The following SLC27A6 variants were observed in gnomAD, a reference collection of about 807,000 sequenced individuals.
SLC27A6 encodes the protein solute carrier family 27 member 6, also known as long-chain fatty acid transport protein 6.
Under a neutral mutation model 63.9 loss-of-function variants are expected in SLC27A6, and 74 were observed. The ratio of observed to expected loss-of-function variants is 1.16; its 90% CI spans 0.96 to 1.40. The LOEUF (loss-of-function observed/expected upper bound fraction) is 1.40. SLC27A6 is among the 40% of genes most tolerant of loss of function. The pLI is 0.00. For missense variants in SLC27A6, 794 were observed against 732.9 expected (o/e 1.08, Z -0.96); for synonymous variants, 287 against 260.8 (o/e 1.10, Z -0.97).
At chr5:129,001,045 G>T (rs1209984710) in intron 4 of SLC27A6, among the ~76,000 whole-genome samples, 1 of 152,148 alleles carries the variant, frequency 6.6e-6, no homozygotes, top group East Asian at 1.9e-4. Context: ...ACTATCTTTT[G>T]TGCCTTAAAA....
At chr5:128,989,405 A>G (rs1750898641) in intron 3 of SLC27A6, among the ~76,000 whole-genome samples, 1 of 152,214 alleles carries the variant, frequency 6.6e-6, no homozygotes, top group Non-Finnish European at 1.5e-5. Flanking sequence ...TAATATACAA[A>G]CAGTGGAGAT....
chr5:129,020,065 G>A (rs1424306676), intron 5 of SLC27A6, among the ~76,000 whole-genome samples: 2 of 151,952 alleles, frequency 1.3e-5, no homozygotes, highest in African/African-American at 4.8e-5. Context: ...GGTAGCAAAA[G>A]CAAAGGATGA....
chr5:129,029,809 T>C, intron 9 of SLC27A6, 102 bp downstream of exon 9: 1 of 1,043,004 alleles, frequency 9.6e-7, no homozygotes, highest in South Asian at 1.5e-5. Flanking sequence ...ATGTGAGTTA[T>C]GTGAGAGGCG....
At chr5:129,007,101 C>T (rs889477698) in intron 4 of SLC27A6, among the ~76,000 whole-genome samples, 1 of 151,798 alleles carries the variant, frequency 6.6e-6, no homozygotes, top group Non-Finnish European at 1.5e-5. Flanking sequence ...AATTTTAAAT[C>T]ACATATTAAT....
At chr5:128,997,716 C>T (rs892112227) in intron 4 of SLC27A6, among the ~76,000 whole-genome samples, 1 of 152,032 alleles carries the variant, frequency 6.6e-6, no homozygotes, top group South Asian at 2.1e-4. Flanking sequence ...ACATATATCC[C>T]GTCTTTGTAA....
rs1300515428 is a variant in SLC27A6 at position 128,966,113 on chromosome 5, G to C, written c.-25G>C. The stretch of plus-strand genomic sequence containing the variant: ...GACGCTGGTGGGGGCTGAGATCAGA[G>C]CTGTCTTCTGGCCCAGTTGCCCCCA... On this transcript the variant is annotated 5_prime_UTR_variant, in exon 1 of 10. Coordinates refer to ENST00000262462, the MANE Select transcript of SLC27A6 (RefSeq NM_001017372.3). The C allele has an allele frequency of 9.2e-6, 14 of 1,530,000 alleles. No homozygotes were observed. The highest frequency in any genetic ancestry group is 1.2e-5 in the Non-Finnish European group (14 of 1,143,420). The allele number at this position is 1,530,000 out of a possible 1,614,324, so 94.8% of individuals were successfully genotyped here.
chr5:128,979,200 TG>T (rs1272503514), intron 1 of SLC27A6, among the ~76,000 whole-genome samples: 2 of 109,136 alleles, frequency 1.8e-5, no homozygotes, highest in Non-Finnish European at 4.5e-5. Flanking sequence ...ATTTGAGATT[TG>T]TTGTATGGAG....
chr5:128,970,952 G>C (rs1039923537), intron 1 of SLC27A6, among the ~76,000 whole-genome samples: 9 of 152,096 alleles, frequency 5.9e-5, no homozygotes, highest in African/African-American at 1.9e-4. Context: ...ATTCTGATAT[G>C]TTGTGTCTTT....
At chr5:128,971,553 T>C (rs956104438) in intron 1 of SLC27A6, among the ~76,000 whole-genome samples, 1 of 151,548 alleles carries the variant, frequency 6.6e-6, no homozygotes, top group Non-Finnish European at 1.5e-5. Context: ...TTTAAAGTCT[T>C]TTTTATCAGA....
intron 4 of SLC27A6, among the ~76,000 whole-genome samples, chr5:129,006,601 T>C (rs1480173408): frequency 6.6e-6 from 1 of 152,110 alleles, no homozygotes; most frequent in Non-Finnish European, 1.5e-5. Context: ...TACATAAAAT[T>C]CCATGCTCAT....
At chr5:128,971,356 G>A (rs1484856406) in intron 1 of SLC27A6, among the ~76,000 whole-genome samples, 2 of 151,962 alleles carry the variant, frequency 1.3e-5, no homozygotes, top group Admixed American at 6.5e-5. Flanking sequence ...TTGACAGTGG[G>A]GTGTTAAAGT....
chr5:128,990,517 A>G, intron 4 of SLC27A6, 53 bp downstream of exon 4: 1 of 1,522,030 alleles, frequency 6.6e-7, no homozygotes, highest in Non-Finnish European at 8.9e-7. Flanking sequence ...AAGTATTGAG[A>G]TAGAAAAGGT....
rs73242051 is a variant in SLC27A6, at chr5:128,988,053, A to C, written c.686-547A>C. On this transcript the variant is annotated intron_variant, in intron 2 of 9. Transcript: ENST00000262462. ...AAAAATGAAAAAAAATAGAAATACC[A>C]TGTTGCATCCAAAGGATAAGAAATC... is the stretch of plus-strand genomic sequence containing the variant. 6.8e-3 allele frequency among the ~76,000 whole-genome samples: 1,029 copies of C among 152,254 alleles called. 14 individuals carry two copies. The highest frequency in any genetic ancestry group is 0.023 in the African/African-American group (974 of 41,558).
chr5:128,999,373 G>A (rs1751258808), intron 4 of SLC27A6, among the ~76,000 whole-genome samples: 1 of 152,018 alleles, frequency 6.6e-6, no homozygotes, highest in Non-Finnish European at 1.5e-5. Context: ...TTCATTGCTG[G>A]ACCTTCCCTG....
intron 8 of SLC27A6, among the ~76,000 whole-genome samples, chr5:129,028,776 C>T (rs1386031457): frequency 6.6e-6 from 1 of 151,556 alleles, no homozygotes; most frequent in Non-Finnish European, 1.5e-5. Flanking sequence ...TTGTACATAC[C>T]ACTAAACAAG....
At chr5:128,995,376 C>A (rs1751122597) in intron 4 of SLC27A6, among the ~76,000 whole-genome samples, 1 of 152,134 alleles carries the variant, frequency 6.6e-6, no homozygotes, top group African/African-American at 2.4e-5. Flanking sequence ...ACAGGACACA[C>A]AGGACAAATC....
chr5:128,991,885 C>T (rs1163702373), intron 4 of SLC27A6, among the ~76,000 whole-genome samples: 1 of 151,896 alleles, frequency 6.6e-6, no homozygotes, highest in Non-Finnish European at 1.5e-5. Flanking sequence ...TTTTTGCCCT[C>T]AGAAGTTATT....
chr5:129,011,679 G>C (rs539146448), intron 4 of SLC27A6, among the ~76,000 whole-genome samples: 1 of 152,280 alleles, frequency 6.6e-6, no homozygotes, highest in East Asian at 1.9e-4. Flanking sequence ...GGTGGGCCTA[G>C]GTGGATGCTA....
chr5:128,987,398 G>T (rs973265303), intron 2 of SLC27A6, among the ~76,000 whole-genome samples: 1 of 151,940 alleles, frequency 6.6e-6, no homozygotes. Flanking sequence ...TTGTGTTTTT[G>T]TGTCTGCACT....
Sources: allele counts gnomAD v4.1 joint callset (sites outside exome capture counted in the v4.1 genomes callset), GRCh38; gene constraint gnomAD v4.1.1; transcripts MANE v1.5; gene names NCBI Gene and HGNC (gene_info 2026-07-23, HGNC 2026-07-21).